The following SEMA6A variants were observed in gnomAD, a reference collection of about 807,000 sequenced individuals.
SEMA6A encodes the protein semaphorin 6A.
SEMA6A carries 25 observed loss-of-function variants against 96.8 expected under a neutral mutation model. The ratio of observed to expected loss-of-function variants is 0.26; its 90% CI spans 0.19 to 0.36. The LOEUF is 0.36. SEMA6A is among the 10% of genes least tolerant of loss of function. The pLI is 1.00. For synonymous variants in SEMA6A, 612 were observed against 518.0 expected, an observed-to-expected ratio of 1.18 and a Z score of -2.46; for missense variants, 1,363 against 1,323.1, an observed-to-expected ratio of 1.03 and a Z score of -0.47.
At chr5:116,496,586 G>A (rs765366756) in intron 4 of SEMA6A, among the ~76,000 whole-genome samples, 2 of 152,152 alleles carry the variant, frequency 1.3e-5, no homozygotes, top group African/African-American at 2.4e-5. Flanking sequence ...ATAAACAAGA[G>A]TGTGGAAATT....
intron 18 of SEMA6A, among the ~76,000 whole-genome samples, chr5:116,451,941 A>G (rs1754663793): frequency 6.6e-6 from 1 of 151,450 alleles, no homozygotes; most frequent in Non-Finnish European, 1.5e-5. Context: ...ACAACAACAG[A>G]GTGCCCCAGT....
intron 1 of SEMA6A, among the ~76,000 whole-genome samples, chr5:116,513,902 T>C (rs1758542773): frequency 6.6e-6 from 1 of 152,206 alleles, no homozygotes; most frequent in Admixed American, 6.5e-5. Context: ...GTTCTTGTGT[T>C]AGTTTGCTAA....
At chr5:116,547,330 C>A (rs975999022) in intron 1 of SEMA6A, among the ~76,000 whole-genome samples, 6 of 152,092 alleles carry the variant, frequency 3.9e-5, no homozygotes, top group Admixed American at 6.6e-5. Context: ...GAATTGCTAG[C>A]CAAAGCATGC....
At chr5:116,548,348 C>A (rs1230802333) in intron 1 of SEMA6A, among the ~76,000 whole-genome samples, 3 of 152,116 alleles carry the variant, frequency 2.0e-5, no homozygotes, top group Non-Finnish European at 2.9e-5. Context: ...TCTCATCACA[C>A]TGGAGCAGAA....
At chr5:116,465,250 CT>C (rs1755656813) in intron 18 of SEMA6A, among the ~76,000 whole-genome samples, 1 of 152,190 alleles carries the variant, frequency 6.6e-6, no homozygotes, top group Non-Finnish European at 1.5e-5. Context: ...AGGAACAAGA[CT>C]TTTCCAACGG....
chr5:116,536,866 T>TA (rs72214884), intron 1 of SEMA6A, among the ~76,000 whole-genome samples: 5,066 of 69,216 alleles, frequency 0.073, 453 homozygotes, highest in Middle Eastern at 0.11. Context: ...TGTGATTTCT[T>TA]AAAAAAAAAA....
chr5:116,509,316 C>T (rs935068227), intron 1 of SEMA6A, among the ~76,000 whole-genome samples: 4 of 152,152 alleles, frequency 2.6e-5, no homozygotes, highest in African/African-American at 7.2e-5. Flanking sequence ...CACTATTTTT[C>T]CCTGAGCAAA....
At chr5:116,497,810 CA>C (rs895105868) in intron 3 of SEMA6A, among the ~76,000 whole-genome samples, 1 of 151,872 alleles carries the variant, frequency 6.6e-6, no homozygotes, top group African/African-American at 2.4e-5. Flanking sequence ...AGAGGGCTAA[CA>C]AAAAAAATGA....
chr5:116,512,868 T>C (rs867871341), intron 1 of SEMA6A, among the ~76,000 whole-genome samples: 1 of 152,214 alleles, frequency 6.6e-6, no homozygotes, highest in Non-Finnish European at 1.5e-5. Flanking sequence ...TCTGTCTTTA[T>C]CTCAAAAGTC....
rs187748712 is a variant in SEMA6A at position 116,525,143 on chromosome 5, C to G, written c.-38-20161G>C. Among the ~76,000 whole-genome samples the G allele has an allele frequency of 6.8e-4, 104 of 152,294 alleles. 1 individual carries two copies. The highest frequency in any genetic ancestry group is 6.7e-3 in the Admixed American group (102 of 15,296). On this transcript the variant is annotated intron_variant, in intron 1 of 18. Coordinates refer to ENST00000343348, the MANE Select transcript of SEMA6A (RefSeq NM_020796.5). ...TGGGTTGTTTAAGAAAATATTTATT[C>G]AGCACCTACTGTGTGCCAGGCATGT...
At chr5:116,479,917 CT>C (rs962289852) in intron 12 of SEMA6A, among the ~76,000 whole-genome samples, 4 of 152,146 alleles carry the variant, frequency 2.6e-5, no homozygotes, top group African/African-American at 9.7e-5. Flanking sequence ...TCCAACTAGC[CT>C]GAAAATATTG....
intron 11 of SEMA6A, among the ~76,000 whole-genome samples, chr5:116,480,669 A>C (rs1756711820): frequency 6.6e-6 from 1 of 152,140 alleles, no homozygotes; most frequent in Non-Finnish European, 1.5e-5. Flanking sequence ...AGAGGGAAAG[A>C]ATTAGGTTGA....
At chr5:116,450,688 T>C (rs73781088) in intron 18 of SEMA6A, among the ~76,000 whole-genome samples, 9,143 of 152,222 alleles carry the variant, frequency 0.06, 398 homozygotes, top group African/African-American at 0.12. Flanking sequence ...AAATGGTATC[T>C]CAGACAGATT....
intron 1 of SEMA6A, among the ~76,000 whole-genome samples, chr5:116,530,794 CT>C (rs1445336246): frequency 6.6e-6 from 1 of 152,010 alleles, no homozygotes; most frequent in African/African-American, 2.4e-5. Context: ...ACATGCTTGC[CT>C]TTTCTTTAGG....
intron 2 of SEMA6A, among the ~76,000 whole-genome samples, chr5:116,503,650 C>T (rs1758003341): frequency 6.6e-6 from 1 of 151,892 alleles, no homozygotes; most frequent in East Asian, 1.9e-4. Context: ...GCTGGAACTA[C>T]AGGCATGCAC....
At chr5:116,552,594 G>A (rs760721852) in intron 1 of SEMA6A, among the ~76,000 whole-genome samples, 11 of 152,114 alleles carry the variant, frequency 7.2e-5, no homozygotes, top group East Asian at 1.9e-4. Flanking sequence ...TTAGTTAAGC[G>A]GCCCGGGCAG....
At chr5:116,551,997 T>C (rs1258226338) in intron 1 of SEMA6A, among the ~76,000 whole-genome samples, 2 of 152,198 alleles carry the variant, frequency 1.3e-5, no homozygotes, top group African/African-American at 2.4e-5. Context: ...GTCTGTAGAT[T>C]CTGACTGCAG....
At chr5:116,504,748 CCTATT>C (rs1388419714) in intron 2 of SEMA6A, 92 bp downstream of exon 2, 2 of 926,134 alleles carry the variant, frequency 2.2e-6, no homozygotes, top group Non-Finnish European at 3.4e-6. Context: ...TAATAAGTCA[CCTATT>C]CTATTTCATT....
intron 18 of SEMA6A, among the ~76,000 whole-genome samples, chr5:116,460,247 T>C (rs1362969308): frequency 3.3e-5 from 5 of 152,158 alleles, no homozygotes; most frequent in African/African-American, 1.2e-4. Flanking sequence ...AAGTGGCATT[T>C]GAAAGCCTGT....
Sources: allele counts gnomAD v4.1 joint callset (sites outside exome capture counted in the v4.1 genomes callset), GRCh38; gene constraint gnomAD v4.1.1; transcripts MANE v1.5; gene names NCBI Gene and HGNC (gene_info 2026-07-23, HGNC 2026-07-21).